The following SPTBN4 variants were observed in gnomAD, a reference collection of about 807,000 sequenced individuals.
SPTBN4 encodes spectrin beta, non-erythrocytic 4.
SPTBN4 carries 96 observed loss-of-function variants against 277.8 expected under a neutral mutation model. That is an observed-to-expected ratio of 0.35 (90% CI 0.29 to 0.41). The LOEUF (loss-of-function observed/expected upper bound fraction) is 0.41. Among genes scored for constraint, SPTBN4 ranks in the 10% least tolerant of loss-of-function variants. The pLI is 1.00. For missense variants in SPTBN4, 3,006 were observed against 3,595.7 expected, an observed-to-expected ratio of 0.84 and a Z score of 4.19; for synonymous variants, 1,481 against 1,580.3, an observed-to-expected ratio of 0.94 and a Z score of 1.49.
chr19:40,499,085 T>C (rs1233451171), intron 7 of SPTBN4, among the ~76,000 whole-genome samples: 1 of 151,762 alleles, frequency 6.6e-6, no homozygotes, highest in Non-Finnish European at 1.5e-5. Flanking sequence ...TGGAGTGCAG[T>C]GGGGGCGATC....
chr19:40,531,473 T>G lies in SPTBN4; in HGVS notation c.3949-1152T>G, dbSNP rs1455410139. Among the ~76,000 whole-genome samples, 16 of 82,944 alleles carry G rather than the reference T, an allele frequency of 1.9e-4. 1 individual carries two copies. The highest frequency in any genetic ancestry group is 1.2e-3 in the South Asian group (3 of 2,514). The allele number at this position is 82,944 out of a possible 152,430, so 54.4% of individuals were successfully genotyped here. A position where few individuals can be genotyped will look rare whatever the true frequency, so the allele number is the denominator to read the frequency against. On this transcript the variant is annotated intron_variant, in intron 18 of 35. Transcript: ENST00000598249. ...CTGGAGTCCAGTGTTTGTTTTTTTT[T>G]TTTTTTTTTTTTTTTTTTTTTTTTT...
At chr19:40,522,348 AT>A (rs567161952) in intron 16 of SPTBN4, among the ~76,000 whole-genome samples, 30,370 of 117,474 alleles carry the variant, frequency 0.26, 3,444 homozygotes, top group Middle Eastern at 0.31. Flanking sequence ...ATAGTAACCA[AT>A]TTTTTTTTTT....
intron 33 of SPTBN4, 157 bp from the exon 34 acceptor site, chr19:40,571,862 C>G: frequency 2.5e-6 from 2 of 786,858 alleles, no homozygotes; most frequent in Non-Finnish European, 3.9e-6. Context: ...CAGCAACAGC[C>G]TTAAGGAAGA....
chr19:40,572,947 G>A (rs1053411857), intron 35 of SPTBN4, among the ~76,000 whole-genome samples: 1 of 152,040 alleles, frequency 6.6e-6, no homozygotes, highest in African/African-American at 2.4e-5. Context: ...GGACAACAGC[G>A]AGACTTCCTT....
chr19:40,506,407 T>C, intron 13 of SPTBN4, 21 bp downstream of exon 13: 2 of 1,600,586 alleles, frequency 1.2e-6, no homozygotes, highest in South Asian at 2.2e-5. Flanking sequence ...GGGCTGGGGC[T>C]GGGGCTATGG....
rs1568379224 is a variant in SPTBN4 at position 40,565,694 on chromosome 19, A to G, written c.6088A>G (p.Lys2030Glu). The G allele has an allele frequency of 2.6e-6, 4 of 1,555,038 alleles. No homozygotes were observed. Among genetic ancestry groups the G allele is most frequent in the Non-Finnish European group, 3.5e-6 (4 of 1,148,826 alleles). Reference protein sequence around the residue: ...QAQLDKLGTRKEEVSEKWDRH... With the variant: ...QAQLDKLGTREEEVSEKWDRH... ...ACAGCTGGACAAGCTGGGAACCAGG[A>G]AGGAGGAGGTGTCGGAAAAGTGGGA... Residue 2030 changes from lysine (K) to glutamate (E), a missense_variant, in exon 29 of 36, where the codon AAG becomes GAG. By Grantham distance (56) the Lys-to-Glu change is moderately conservative. Coordinates refer to ENST00000598249, the MANE Select transcript of SPTBN4 (RefSeq NM_020971.3).
At chr19:40,537,262 G>A (rs946167291) in intron 20 of SPTBN4, among the ~76,000 whole-genome samples, 4 of 152,076 alleles carry the variant, frequency 2.6e-5, no homozygotes, top group African/African-American at 9.7e-5. Context: ...GGCCTGCCTT[G>A]GCCTCCCAAA....
chr19:40,475,962 C>T (rs35366006), intron 2 of SPTBN4, among the ~76,000 whole-genome samples: 24,311 of 151,818 alleles, frequency 0.16, 2,217 homozygotes, highest in African/African-American at 0.25. Flanking sequence ...GGGAGAATCT[C>T]CTGAGCCCGG....
At chr19:40,486,978 G>A (rs2080079181) in intron 2 of SPTBN4, among the ~76,000 whole-genome samples, 1 of 152,130 alleles carries the variant, frequency 6.6e-6, no homozygotes, top group Non-Finnish European at 1.5e-5. Context: ...TCACCAGGTG[G>A]GTGGCAGAGG....
chr19:40,553,097 A>C (rs2080936784), intron 22 of SPTBN4, among the ~76,000 whole-genome samples: 1 of 152,130 alleles, frequency 6.6e-6, no homozygotes, highest in African/African-American at 2.4e-5. Context: ...CTGGCTCCAT[A>C]GGTTGGGAGT....
chr19:40,574,543 G>A (rs2081183623), intron 35 of SPTBN4, among the ~76,000 whole-genome samples: 1 of 151,826 alleles, frequency 6.6e-6, no homozygotes, highest in Non-Finnish European at 1.5e-5. Context: ...TGTATTTTTA[G>A]TAGAGACGGG....
chr19:40,558,039 A>G (rs2081001848), intron 26 of SPTBN4, among the ~76,000 whole-genome samples: 1 of 152,062 alleles, frequency 6.6e-6, no homozygotes, highest in African/African-American at 2.4e-5. Context: ...TCTGAGAGGA[A>G]TTTGGCTGTG....
At chr19:40,496,008 AC>A (rs1482762242) in intron 6 of SPTBN4, among the ~76,000 whole-genome samples, 1 of 152,160 alleles carries the variant, frequency 6.6e-6, no homozygotes, top group Non-Finnish European at 1.5e-5. Context: ...CACAAGCTGC[AC>A]CAGGGTCATC....
intron 1 of SPTBN4, among the ~76,000 whole-genome samples, chr19:40,468,041 T>C (rs1449668767): frequency 6.6e-6 from 1 of 151,810 alleles, no homozygotes. Flanking sequence ...ATAACTTACC[T>C]CTTCAAACAC....
At chr19:40,524,748 C>A in intron 17 of SPTBN4, 1 of 392,426 alleles carries the variant, frequency 2.5e-6, no homozygotes, top group Non-Finnish European at 5.1e-6. Context: ...TGAGTGTCTG[C>A]ATGTCTCTGT....
At position 40,504,132 on chromosome 19, in the gene SPTBN4, G is replaced by A; in HGVS notation, c.1665G>A (p.Gln555=). 1 of 1,521,522 alleles carries A rather than the reference G, an allele frequency of 6.6e-7. No homozygotes were observed. The highest frequency in any genetic ancestry group is 9.0e-7 in the Non-Finnish European group (1 of 1,117,288). The allele number at this position is 1,521,522 out of a possible 1,614,324, so 94.3% of individuals were successfully genotyped here. The change falls in exon 12 of 36, where the codon CAG becomes CAA. Residue 555 remains glutamine (Q), a splice_region_variant and synonymous_variant. Coordinates refer to ENST00000598249, the MANE Select transcript of SPTBN4 (RefSeq NM_020971.3). ...VYMVDWMEEM[Q]AQLLSRECGQ... ...TGGTGGACTGGATGGAGGAGATGCAGGTGCCGGCGGGGGGGCGGGGATGCG... is the reference window on the plus strand; with the variant it reads ...TGGTGGACTGGATGGAGGAGATGCAAGTGCCGGCGGGGGGGCGGGGATGCG...
At chr19:40,479,675 CATAT>C (rs34118043) in intron 2 of SPTBN4, among the ~76,000 whole-genome samples, 10,063 of 126,654 alleles carry the variant, frequency 0.079, 434 homozygotes, top group African/African-American at 0.1. Flanking sequence ...AATGAGTAAG[CATAT>C]ATATATATAT....
At chr19:40,508,988 C>T (rs947642075) in intron 13 of SPTBN4, among the ~76,000 whole-genome samples, 3 of 151,392 alleles carry the variant, frequency 2.0e-5, no homozygotes, top group Non-Finnish European at 2.9e-5. Context: ...GATTATGGAG[C>T]GAGCTTGGTT....
intron 27 of SPTBN4, among the ~76,000 whole-genome samples, chr19:40,565,219 C>T (rs1012089740): frequency 4.0e-5 from 6 of 151,572 alleles, no homozygotes; most frequent in Admixed American, 3.3e-4. Flanking sequence ...GAGCCGAGAT[C>T]GCCCCACTGC....
Sources: gnomAD v4.1 joint callset for allele counts (sites outside exome capture counted in the v4.1 genomes callset) on GRCh38, gnomAD v4.1.1 for gene constraint, MANE v1.5 for transcripts, NCBI Gene and HGNC (gene_info 2026-07-23, HGNC 2026-07-21) for gene names.